Variants in CLIC5 observed in about 807,000 individuals in gnomAD.
The protein encoded by CLIC5 is CLIC family member 5, also known as chloride intracellular channel protein 5.
In CLIC5, 20 loss-of-function variants were observed where a neutral mutation model predicts 24.7. That is an observed-to-expected ratio of 0.81 (90% CI 0.57 to 1.18). CLIC5 has a LOEUF of 1.18. Ranked by LOEUF, CLIC5 falls within the 50% of genes most tolerant of loss-of-function variation. The pLI is 0.00. For missense variants in CLIC5, 341 were observed against 326.1 expected (o/e 1.05, Z -0.35); for synonymous variants, 159 against 135.6 (o/e 1.17, Z -1.20).
chr6:46,071,280 T>A (rs1762588360), intron 1 of CLIC5, among the ~76,000 whole-genome samples: 1 of 151,540 alleles, frequency 6.6e-6, no homozygotes, highest in African/African-American at 2.4e-5. Context: ...ATCAACAGAG[T>A]AAACAACCTA....
the CLIC5 span, among the ~76,000 whole-genome samples, chr6:46,128,795 T>A: frequency 6.6e-6 from 1 of 152,224 alleles, no homozygotes; most frequent in Non-Finnish European, 1.5e-5. Flanking sequence ...TGAAAGCCCA[T>A]GGATCTAAGA....
At chr6:46,007,026 C>T (rs1306195650) in intron 1 of CLIC5, among the ~76,000 whole-genome samples, 1 of 152,112 alleles carries the variant, frequency 6.6e-6, no homozygotes, top group Non-Finnish European at 1.5e-5. Context: ...CTCCATGCTC[C>T]CTCCTCTGGG....
chr6:46,056,851 C>A (rs1768274402), intron 1 of CLIC5, among the ~76,000 whole-genome samples: 1 of 152,120 alleles, frequency 6.6e-6, no homozygotes. Flanking sequence ...ATATGCCTTC[C>A]TGCCTACTGC....
chr6:46,004,281 A>G (rs1766462416), intron 1 of CLIC5, among the ~76,000 whole-genome samples: 1 of 152,196 alleles, frequency 6.6e-6, no homozygotes, highest in South Asian at 2.1e-4. Context: ...GGTAGAGACT[A>G]GCTCCAAACC....
At chr6:46,095,104 C>G in the CLIC5 span, among the ~76,000 whole-genome samples, 14 of 152,300 alleles carry the variant, frequency 9.2e-5, no homozygotes, top group African/African-American at 3.1e-4. Flanking sequence ...GTAGAAGCAG[C>G]CAGGATACAG....
intron 1 of CLIC5, among the ~76,000 whole-genome samples, chr6:46,051,221 C>T (rs1055650281): frequency 6.6e-6 from 1 of 152,166 alleles, no homozygotes; most frequent in African/African-American, 2.4e-5. Context: ...TATGCCCTGG[C>T]CCTTGGGGCA....
chr6:46,033,984 G>A (rs1767592836), intron 1 of CLIC5, among the ~76,000 whole-genome samples: 2 of 152,144 alleles, frequency 1.3e-5, no homozygotes, highest in Non-Finnish European at 2.9e-5. Context: ...AGAAGACCTA[G>A]GGTAAAACCC....
chr6:46,064,910 C>T (rs1194496550), intron 1 of CLIC5, among the ~76,000 whole-genome samples: 2 of 151,704 alleles, frequency 1.3e-5, no homozygotes, highest in Non-Finnish European at 2.9e-5. Context: ...AAACACAAAC[C>T]ATAGCATTAA....
chr6:46,023,418 T>A (rs186145058), intron 1 of CLIC5, among the ~76,000 whole-genome samples: 9 of 152,300 alleles, frequency 5.9e-5, no homozygotes, highest in African/African-American at 1.2e-4. Context: ...GAGCTGGAAC[T>A]CCCTCCATTG....
intron 1 of CLIC5, among the ~76,000 whole-genome samples, chr6:46,033,209 G>A (rs1253707539): frequency 2.0e-5 from 3 of 151,012 alleles, no homozygotes; most frequent in African/African-American, 7.3e-5. Context: ...GGATAGTCTC[G>A]AACTCCTGAC....
rs974179592 is a variant in CLIC5, at chr6:45,986,769, ATACAATCTC to A, written c.63+28702_63+28710del. Among the ~76,000 whole-genome samples, 3 of 40,132 alleles carry A rather than the reference ATACAATCTC, an allele frequency of 7.5e-5. No homozygotes were observed. The East Asian group carries it at 0.011, about 148-fold the overall frequency. The allele number at this position is 40,132 out of a possible 152,430, so 26.3% of individuals were successfully genotyped here. A position where few individuals can be genotyped will look rare whatever the true frequency, so the allele number is the denominator to read the frequency against. ...TCACTGGGTGGAGACCCTGGTAAGGATACAATCTCCCCTGCATTCCACAAGTACAGCAGC... is the reference window on the plus strand; with the variant it reads ...TCACTGGGTGGAGACCCTGGTAAGGACCCTGCATTCCACAAGTACAGCAGC... On this transcript the variant is annotated intron_variant, in intron 1 of 5. Coordinates refer to ENST00000339561, the MANE Select transcript of CLIC5 (RefSeq NM_016929.5).
At chr6:45,955,409 C>T (rs116653038) in intron 1 of CLIC5, among the ~76,000 whole-genome samples, 165 bp from the exon 2 acceptor site, 7 of 152,208 alleles carry the variant, frequency 4.6e-5, no homozygotes, top group East Asian at 1.9e-4. Flanking sequence ...TTAATGTCCA[C>T]GCAGGGCAAT....
chr6:45,906,665 C>G, intron 5 of CLIC5, among the ~76,000 whole-genome samples: 1 of 151,704 alleles, frequency 6.6e-6, no homozygotes, highest in East Asian at 1.9e-4. Context: ...TGGATTCAAG[C>G]GATTCTCCTG....
At chr6:45,930,152 A>AC (rs148619912) in intron 4 of CLIC5, among the ~76,000 whole-genome samples, 14 of 151,890 alleles carry the variant, frequency 9.2e-5, no homozygotes, top group African/African-American at 3.1e-4. Flanking sequence ...CTCCCCACCT[A>AC]CCCCCCAGCA....
chr6:46,065,880 C>T (rs1187928744), intron 1 of CLIC5, among the ~76,000 whole-genome samples: 1 of 152,096 alleles, frequency 6.6e-6, no homozygotes, highest in Non-Finnish European at 1.5e-5. Context: ...CTCAAATGCA[C>T]ACTTAAAATT....
upstream of CLIC5, among the ~76,000 whole-genome samples, chr6:46,016,835 G>A (rs1767028030): frequency 6.6e-6 from 1 of 152,100 alleles, no homozygotes; most frequent in Admixed American, 6.6e-5. Flanking sequence ...CTGGAATGTT[G>A]GTGTCTGGCT....
At chr6:45,906,008 A>G (rs2127297345) in intron 5 of CLIC5, among the ~76,000 whole-genome samples, 1 of 152,304 alleles carries the variant, frequency 6.6e-6, no homozygotes, top group African/African-American at 2.4e-5. Flanking sequence ...TTTGTGGAAG[A>G]TCAGATGACC....
At chr6:45,909,381 C>G (rs1762751756) in intron 5 of CLIC5, among the ~76,000 whole-genome samples, 1 of 152,112 alleles carries the variant, frequency 6.6e-6, no homozygotes. Flanking sequence ...GGTCTGTTGG[C>G]TATTTACAAG....
the CLIC5 span, among the ~76,000 whole-genome samples, chr6:46,108,395 T>TGAGG: frequency 2.0e-5 from 3 of 147,722 alleles, no homozygotes; most frequent in African/African-American, 5.0e-5. Context: ...TGTGTGTGTG[T>TGAGG]GTGTGTGAGA....
Sources: allele counts gnomAD v4.1 joint callset (sites outside exome capture counted in the v4.1 genomes callset), GRCh38; gene constraint gnomAD v4.1.1; transcripts MANE v1.5; gene names NCBI Gene and HGNC (gene_info 2026-07-23, HGNC 2026-07-21).